KDM2A: variants seen among roughly 807,000 people sequenced by gnomAD.
KDM2A encodes lysine-specific demethylase 2A.
A neutral mutation model predicts 137.3 loss-of-function variants in KDM2A; 3 were observed. The ratio of observed to expected loss-of-function variants is 0.02; its 90% CI spans 0.01 to 0.06. The LOEUF is 0.06. Among genes scored for constraint, KDM2A ranks in the 10% least tolerant of loss-of-function variants. The pLI is 1.00. For synonymous variants in KDM2A, 512 were observed against 541.5 expected (o/e 0.95, Z 0.76); for missense variants, 738 against 1,510.6 (o/e 0.49, Z 8.48).
chr11:67,247,422 C>CTTTTTTT (rs56012601), intron 15 of KDM2A, among the ~76,000 whole-genome samples: 1 of 84,520 alleles, frequency 1.2e-5, no homozygotes. Flanking sequence ...GCATTACAAT[C>CTTTTTTT]TTTTTTTTTT....
At chr11:67,225,634 G>A (rs1015461145) in intron 10 of KDM2A, among the ~76,000 whole-genome samples, 1 of 152,210 alleles carries the variant, frequency 6.6e-6, no homozygotes. Flanking sequence ...GCCAGGTGTG[G>A]TGGCGCATGC....
intron 5 of KDM2A, among the ~76,000 whole-genome samples, chr11:67,204,419 A>G (rs978725732): frequency 2.0e-5 from 3 of 151,930 alleles, no homozygotes; most frequent in Admixed American, 6.6e-5. Context: ...TCTAATCTGT[A>G]TATTTCATAT....
intron 2 of KDM2A, among the ~76,000 whole-genome samples, chr11:67,159,958 A>G (rs1237174467): frequency 6.6e-6 from 1 of 152,240 alleles, no homozygotes; most frequent in African/African-American, 2.4e-5. Context: ...GCATAACAAT[A>G]TGAACATATT....
intron 5 of KDM2A, among the ~76,000 whole-genome samples, chr11:67,187,393 G>A (rs1857234360): frequency 6.6e-6 from 1 of 152,030 alleles, no homozygotes; most frequent in Non-Finnish European, 1.5e-5. Context: ...ACAACTATAT[G>A]CTGTCCACAA....
intron 5 of KDM2A, among the ~76,000 whole-genome samples, chr11:67,188,870 C>T (rs1857275146): frequency 2.0e-5 from 3 of 150,188 alleles, no homozygotes; most frequent in South Asian, 4.2e-4. Flanking sequence ...GAAGATATAA[C>T]AATTACAAAC....
chr11:67,122,945 G>T (rs921529883), intron 2 of KDM2A, among the ~76,000 whole-genome samples: 2 of 152,012 alleles, frequency 1.3e-5, no homozygotes, highest in Non-Finnish European at 2.9e-5. Flanking sequence ...AAAGTGCTGG[G>T]ATTACAGGTG....
At chr11:67,169,189 C>T (rs934345323) in intron 2 of KDM2A, among the ~76,000 whole-genome samples, 2 of 151,734 alleles carry the variant, frequency 1.3e-5, no homozygotes, top group East Asian at 2.0e-4. Flanking sequence ...CTCCTGACCT[C>T]GTAATCCACC....
chr11:67,141,917 G>A (rs1275684028), intron 2 of KDM2A, among the ~76,000 whole-genome samples: 1 of 151,806 alleles, frequency 6.6e-6, no homozygotes, highest in Non-Finnish European at 1.5e-5. Context: ...GTGAGAACAC[G>A]TGATACTTCT....
intron 10 of KDM2A, among the ~76,000 whole-genome samples, chr11:67,222,651 C>T (rs1342478080): frequency 8.5e-5 from 11 of 129,216 alleles, no homozygotes; most frequent in Non-Finnish European, 1.4e-4. Flanking sequence ...TAGGGGCGGC[C>T]GGGCAGAGGC....
chr11:67,246,610 C>T (rs2136452564), intron 15 of KDM2A, among the ~76,000 whole-genome samples: 1 of 152,120 alleles, frequency 6.6e-6, no homozygotes, highest in African/African-American at 2.4e-5. Flanking sequence ...AAATTCAGAT[C>T]TCAGCCTCAG....
At chr11:67,214,311 TCTC>T (rs941949559) in intron 6 of KDM2A, among the ~76,000 whole-genome samples, 1 of 150,086 alleles carries the variant, frequency 6.7e-6, no homozygotes, top group Non-Finnish European at 1.5e-5. Context: ...TTCATGCCAT[TCTC>T]CTGCCTCAGC....
chr11:67,242,875 G>T (rs772267534), intron 12 of KDM2A, 134 bp from the exon 13 acceptor site: 36 of 626,726 alleles, frequency 5.7e-5, no homozygotes, highest in Non-Finnish European at 1.0e-4. Flanking sequence ...TATATGAAGG[G>T]CAAATACAGA....
intron 15 of KDM2A, among the ~76,000 whole-genome samples, chr11:67,247,067 ATATATTTTTTTTTTTTTTTTTTT>A (rs1472226333): frequency 2.9e-4 from 8 of 27,512 alleles, no homozygotes; most frequent in Non-Finnish European, 5.2e-4. Context: ...ATATATATAT[ATATATTTTTTTTTTTTTTTTTTT>A]TTTTTTTTTT....
At chr11:67,144,781 G>C (rs1271331289) in intron 2 of KDM2A, among the ~76,000 whole-genome samples, 1 of 151,116 alleles carries the variant, frequency 6.6e-6, no homozygotes, top group Non-Finnish European at 1.5e-5. Context: ...ACCCAGGTTG[G>C]TCTTGAACTC....
chr11:67,173,377 C>A (rs994953655), intron 2 of KDM2A, among the ~76,000 whole-genome samples: 1 of 152,208 alleles, frequency 6.6e-6, no homozygotes, highest in Non-Finnish European at 1.5e-5. Flanking sequence ...CCGCCTTGGC[C>A]TCCCAAAGTG....
rs1858244134 is a variant in KDM2A at position 67,218,731 on chromosome 11, C to T, written c.842-557C>T. On this transcript the variant is annotated intron_variant, in intron 9 of 20. Transcript: ENST00000529006. Reference sequence around the variant, plus strand: ...GTTCAAGCAATTCTCCTGTCTCAGCCTCCCGAGTAGCTGGGATTACAGGTG... The same window carrying T: ...GTTCAAGCAATTCTCCTGTCTCAGCTTCCCGAGTAGCTGGGATTACAGGTG... 4.6e-5 allele frequency among the ~76,000 whole-genome samples: 7 copies of T among 152,160 alleles called. No homozygotes were observed. In the South Asian group the frequency reaches 1.4e-3, roughly 32 times the overall value.
intron 5 of KDM2A, among the ~76,000 whole-genome samples, chr11:67,194,545 C>G (rs372929497): frequency 6.6e-6 from 1 of 152,030 alleles, no homozygotes; most frequent in African/African-American, 2.4e-5. Context: ...GTAAATACTG[C>G]GAGAAGGTAA....
chr11:67,248,191 G>T, intron 15 of KDM2A, 90 bp from the exon 16 acceptor site: 2 of 961,528 alleles, frequency 2.1e-6, no homozygotes, highest in South Asian at 3.0e-5. Context: ...CAATGTTGTT[G>T]AGAAATGAGT....
chr11:67,193,142 A>G (rs956573015), intron 5 of KDM2A, among the ~76,000 whole-genome samples: 1 of 152,080 alleles, frequency 6.6e-6, no homozygotes, highest in Non-Finnish European at 1.5e-5. Flanking sequence ...GGCTCTTGCC[A>G]CCACACCCGG....
Sources: allele counts gnomAD v4.1 joint callset (sites outside exome capture counted in the v4.1 genomes callset), GRCh38; gene constraint gnomAD v4.1.1; transcripts MANE v1.5; gene names NCBI Gene and HGNC (gene_info 2026-07-23, HGNC 2026-07-21).